The following TRMT44 variants were observed in gnomAD, a reference collection of about 807,000 sequenced individuals.
TRMT44 encodes the protein probable tRNA (uracil-O(2)-)-methyltransferase.
Under a neutral mutation model 77.3 loss-of-function variants are expected in TRMT44, and 78 were observed. The observed-to-expected ratio is 1.01, with a 90% confidence interval of 0.84 to 1.22. The LOEUF (loss-of-function observed/expected upper bound fraction) is 1.22. Ranked by LOEUF, TRMT44 falls within the 50% of genes most tolerant of loss-of-function variation. The pLI, the probability that TRMT44 is intolerant of heterozygous loss-of-function variation, is 0.00. For synonymous variants in TRMT44, 391 were observed against 383.3 expected, an observed-to-expected ratio of 1.02 and a Z score of -0.23; for missense variants, 1,090 against 964.4, an observed-to-expected ratio of 1.13 and a Z score of -1.73.
intron 5 of TRMT44, 52 bp downstream of exon 5, chr4:8,453,041 A>C: frequency 8.8e-7 from 1 of 1,136,348 alleles, no homozygotes; most frequent in Non-Finnish European, 1.2e-6. Context: ...AGTTTCCTCA[A>C]GTCAGGCACA....
chr4:8,503,302 G>T, the TRMT44 span, among the ~76,000 whole-genome samples: 1 of 152,234 alleles, frequency 6.6e-6, no homozygotes, highest in East Asian at 1.9e-4. Flanking sequence ...CCCGGAAAGG[G>T]TGGCACTCTA....
At position 8,467,902 on chromosome 4, in the gene TRMT44, C is replaced by T. The variant is rs761987916; in HGVS notation, c.1495-12C>T. ...CCAGCTAAAATACTTGCTTTGCTTT[C>T]TTCAAACGCAGGTCTGTCTCGTTGG... is the stretch of plus-strand genomic sequence containing the variant. On this transcript the variant is annotated splice_polypyrimidine_tract_variant and intron_variant, in intron 8 of 10. Transcript: ENST00000389737. 13 of 1,583,482 alleles carry T rather than the reference C, an allele frequency of 8.2e-6. No individual in the cohort carries two copies. Among genetic ancestry groups the T allele is most frequent in the Middle Eastern group, 1.7e-4 (1 of 5,916 alleles).
rs780106009 is a variant in TRMT44 at position 8,461,421 on chromosome 4, G to A, written c.1204-2564G>A. Reference sequence around the variant, plus strand: ...GGTGTGGTTGATTTCAAAATTCCATGTGTCCCCAGGTGAAAAAGCACCTTT... The same window carrying A: ...GGTGTGGTTGATTTCAAAATTCCATATGTCCCCAGGTGAAAAAGCACCTTT... On this transcript the variant is annotated intron_variant, in intron 6 of 10. Coordinates refer to ENST00000389737, the MANE Select transcript of TRMT44 (RefSeq NM_152544.3). The surrounding 1 kb of genome is among the most constrained non-coding windows in gnomAD (Gnocchi z 4.6). Among the ~76,000 whole-genome samples, 26 of 152,142 alleles carry A rather than the reference G, an allele frequency of 1.7e-4. No individual in the cohort carries two copies. Among genetic ancestry groups the A allele is most frequent in the Non-Finnish European group, 8.8e-5 (6 of 68,028 alleles).
At chr4:8,458,644 G>A (rs1389020249) in intron 6 of TRMT44, among the ~76,000 whole-genome samples, 1 of 151,222 alleles carries the variant, frequency 6.6e-6, no homozygotes, top group African/African-American at 2.4e-5. Context: ...TGGTAGAGAT[G>A]GGGTTTCACC....
the TRMT44 span, among the ~76,000 whole-genome samples, chr4:8,501,589 A>G: frequency 6.6e-6 from 1 of 152,148 alleles, no homozygotes; most frequent in African/African-American, 2.4e-5. The surrounding 1 kb of genome is among the most constrained non-coding windows in gnomAD (Gnocchi z 4.4). Flanking sequence ...AGGGTTAGCG[A>G]TTTCACACAA....
downstream of TRMT44, among the ~76,000 whole-genome samples, chr4:8,494,316 A>G (rs1265510069): frequency 2.0e-5 from 3 of 152,132 alleles, no homozygotes; most frequent in Non-Finnish European, 4.4e-5. Context: ...CACCCTCACA[A>G]TGTAAATGGA....
the TRMT44 span, among the ~76,000 whole-genome samples, chr4:8,504,921 T>TC: frequency 6.6e-6 from 1 of 152,002 alleles, no homozygotes; most frequent in South Asian, 2.1e-4. The surrounding 1 kb of genome is among the most constrained non-coding windows in gnomAD (Gnocchi z 5.3). Flanking sequence ...ATCTACCACT[T>TC]CCCCCAGCCT....
At chr4:8,496,623 T>C (rs1463610380), downstream of TRMT44, among the ~76,000 whole-genome samples, 1 of 152,180 alleles carries the variant, frequency 6.6e-6, no homozygotes, top group African/African-American at 2.4e-5. Flanking sequence ...GGAAAGTGAA[T>C]TGCTCAGGGT....
chr4:8,477,374 C>T (rs1727443726), downstream of TRMT44: 1 of 152,232 alleles, frequency 6.6e-6, no homozygotes, highest in South Asian at 2.1e-4. Flanking sequence ...GGTGCCTGGC[C>T]CTGGAAGTGT....
chr4:8,453,739 T>G (rs1002030264), intron 5 of TRMT44: 1 of 152,198 alleles, frequency 6.6e-6, no homozygotes, highest in Non-Finnish European at 1.5e-5. Context: ...TCAGGTGCCA[T>G]TACCCCATGA....
At chr4:8,448,046 G>A (rs1376587715) in intron 2 of TRMT44, among the ~76,000 whole-genome samples, 4 of 151,494 alleles carry the variant, frequency 2.6e-5, no homozygotes, top group South Asian at 2.1e-4. Context: ...ATTTCTAGTC[G>A]GCATCGGAGT....
chr4:8,491,472 C>G (rs540732310), intron 2 of TRMT44, among the ~76,000 whole-genome samples: 1 of 152,288 alleles, frequency 6.6e-6, no homozygotes, highest in South Asian at 2.1e-4. Context: ...TGGTGCTCGT[C>G]GGGGAGGCTC....
At chr4:8,496,138 G>C (rs529857858), downstream of TRMT44, among the ~76,000 whole-genome samples, 5 of 152,342 alleles carry the variant, frequency 3.3e-5, no homozygotes, top group East Asian at 9.6e-4. Flanking sequence ...CATTTGCATA[G>C]AGTGAAGCAA....
intron 3 of TRMT44, 51 bp downstream of exon 3, chr4:8,449,939 CTTTTCTTTTCTT>C: frequency 2.6e-6 from 1 of 383,088 alleles, no homozygotes; most frequent in Non-Finnish European, 3.7e-6. Flanking sequence ...ATTTTCTTTT[CTTTTCTTTTCTT>C]TTTTTTTTTT....
chr4:8,490,840 T>C (rs1727978828), intron 2 of TRMT44, among the ~76,000 whole-genome samples: 1 of 152,190 alleles, frequency 6.6e-6, no homozygotes, highest in Admixed American at 6.5e-5. Context: ...AGCCAAGTGG[T>C]CTGTTTTGAC....
At chr4:8,447,856 G>A (rs1053020642) in intron 2 of TRMT44, among the ~76,000 whole-genome samples, 2 of 152,214 alleles carry the variant, frequency 1.3e-5, no homozygotes, top group Admixed American at 6.5e-5. Context: ...TGTGCTCGGC[G>A]ATGCTGAACT....
chr4:8,471,329 C>T (rs1726981875), intron 10 of TRMT44, 129 bp downstream of exon 10: 3 of 612,750 alleles, frequency 4.9e-6, no homozygotes, highest in Non-Finnish European at 8.2e-6. Flanking sequence ...TTCCGCGGTG[C>T]CCCACCCAGC....
chr4:8,447,639 G>C (rs1462036660), intron 2 of TRMT44, among the ~76,000 whole-genome samples: 1 of 152,198 alleles, frequency 6.6e-6, no homozygotes, highest in East Asian at 1.9e-4. Flanking sequence ...GCAGGGCTGG[G>C]CCTCACATGG....
the TRMT44 span, among the ~76,000 whole-genome samples, chr4:8,504,627 C>T: frequency 6.6e-6 from 1 of 152,172 alleles, no homozygotes; most frequent in South Asian, 2.1e-4. This position sits in a 1 kb window ranked among gnomAD's most constrained non-coding sequence, Gnocchi z 5.3. Context: ...TAGCTCATCT[C>T]TTCCACCCGG....
Sources: gnomAD v4.1 joint callset for allele counts (sites outside exome capture counted in the v4.1 genomes callset) on GRCh38, gnomAD v4.1.1 for gene constraint, Gnocchi (gnomAD v3.1) non-coding constraint, MANE v1.5 for transcripts, NCBI Gene and HGNC (gene_info 2026-07-23, HGNC 2026-07-21) for gene names.